LOXL2: variants seen among roughly 807,000 people sequenced by gnomAD.
LOXL2 encodes the protein lysyl oxidase like 2.
Under a neutral mutation model 93.0 loss-of-function variants are expected in LOXL2, and 70 were observed. The ratio of observed to expected loss-of-function variants is 0.75; its 90% CI spans 0.62 to 0.92. The LOEUF is 0.92. Among genes scored for constraint, LOXL2 ranks in the 40% least tolerant of loss-of-function variants. The pLI, the probability that LOXL2 is intolerant of heterozygous loss-of-function variation, is 0.00. For missense variants in LOXL2, 973 were observed against 1,054.9 expected, an observed-to-expected ratio of 0.92 and a Z score of 1.08; for synonymous variants, 438 against 413.2, an observed-to-expected ratio of 1.06 and a Z score of -0.73.
intron 2 of LOXL2, chr8:23,365,710 CATT>C (rs1355574759): frequency 6.6e-6 from 1 of 152,290 alleles, no homozygotes; most frequent in African/African-American, 2.4e-5. Flanking sequence ...TCAGGTCTCT[CATT>C]ACCAGAGATT....
At chr8:23,346,003 G>A in intron 3 of LOXL2, among the ~76,000 whole-genome samples, 1 of 151,864 alleles carries the variant, frequency 6.6e-6, no homozygotes, top group African/African-American at 2.4e-5. Flanking sequence ...GGGAGGCGGA[G>A]GTTGCAGTGA....
At chr8:23,375,215 T>C (rs545665306) in intron 1 of LOXL2, among the ~76,000 whole-genome samples, 27 of 152,352 alleles carry the variant, frequency 1.8e-4, no homozygotes, top group African/African-American at 6.3e-4. Context: ...CCTTTCCCCA[T>C]TTCTTGTTTT....
At chr8:23,318,730 T>G (rs1803445421) in intron 8 of LOXL2, among the ~76,000 whole-genome samples, 1 of 152,218 alleles carries the variant, frequency 6.6e-6, no homozygotes, top group Non-Finnish European at 1.5e-5. Context: ...CCTTGGAGAT[T>G]TAGAGAGTGC....
At chr8:23,376,384 A>AT (rs1350772737) in intron 1 of LOXL2, among the ~76,000 whole-genome samples, 12 of 152,244 alleles carry the variant, frequency 7.9e-5, no homozygotes, top group Non-Finnish European at 1.8e-4. Context: ...CATCAGGGAT[A>AT]TTGGTCTAAA....
intron 1 of LOXL2, among the ~76,000 whole-genome samples, chr8:23,393,693 T>C (rs1322259431): frequency 6.6e-6 from 1 of 152,094 alleles, no homozygotes; most frequent in Non-Finnish European, 1.5e-5. Flanking sequence ...ATACGTAAAT[T>C]AAACTTTATC....
chr8:23,389,497 C>A (rs762197466), intron 1 of LOXL2, among the ~76,000 whole-genome samples: 2 of 152,208 alleles, frequency 1.3e-5, no homozygotes, highest in Non-Finnish European at 2.9e-5. Flanking sequence ...GACCTCTGAT[C>A]AATGACACTT....
chr8:23,383,563 C>T (rs1259265316), intron 1 of LOXL2, among the ~76,000 whole-genome samples: 1 of 151,110 alleles, frequency 6.6e-6, no homozygotes, highest in Non-Finnish European at 1.5e-5. Flanking sequence ...TGCAAGCTAA[C>T]AAATTCATTC....
chr8:23,306,503 C>T (rs1039614464), intron 10 of LOXL2, among the ~76,000 whole-genome samples: 3 of 152,232 alleles, frequency 2.0e-5, no homozygotes, highest in Admixed American at 1.3e-4. Flanking sequence ...CCAGGCAGCC[C>T]CTTGGCAGGA....
intron 3 of LOXL2, among the ~76,000 whole-genome samples, chr8:23,359,087 C>T (rs1197624247): frequency 2.0e-5 from 3 of 151,960 alleles, no homozygotes; most frequent in Non-Finnish European, 4.4e-5. Flanking sequence ...CTCCTGACCT[C>T]GTGATCTGCC....
At chr8:23,306,820 C>T (rs1803237232) in intron 10 of LOXL2, among the ~76,000 whole-genome samples, 1 of 152,222 alleles carries the variant, frequency 6.6e-6, no homozygotes, top group South Asian at 2.1e-4. Context: ...CCTGTCAGAG[C>T]GTGGCACATC....
intron 1 of LOXL2, among the ~76,000 whole-genome samples, chr8:23,384,778 G>A (rs1016112643): frequency 4.7e-4 from 72 of 152,278 alleles, no homozygotes; most frequent in African/African-American, 1.7e-3. Flanking sequence ...GCCGGGCATG[G>A]TGGCAGGTGC....
intron 1 of LOXL2, among the ~76,000 whole-genome samples, chr8:23,379,479 TTA>T (rs1373735911): frequency 6.6e-6 from 1 of 152,164 alleles, no homozygotes; most frequent in African/African-American, 2.4e-5. Flanking sequence ...ACAGGGACAT[TTA>T]TGTCTGCTGA....
chr8:23,396,006 T>A (rs1025839548), intron 1 of LOXL2, among the ~76,000 whole-genome samples: 4 of 151,802 alleles, frequency 2.6e-5, no homozygotes, highest in Non-Finnish European at 5.9e-5. Context: ...ACTCTTAGAG[T>A]CACTGATAAA....
At chr8:23,372,590 G>A (rs943602271) in intron 1 of LOXL2, among the ~76,000 whole-genome samples, 3 of 152,054 alleles carry the variant, frequency 2.0e-5, no homozygotes, top group Non-Finnish European at 2.9e-5. Flanking sequence ...TATACCATGC[G>A]TACATTAACC....
At chr8:23,328,241 C>G (rs138150867) in intron 6 of LOXL2, 141 bp downstream of exon 6, 4 of 821,476 alleles carry the variant, frequency 4.9e-6, no homozygotes, top group South Asian at 4.8e-5. Context: ...TAGGGAGAGG[C>G]CTGGGATTCT....
rs753540196 is a variant in LOXL2, at chr8:23,333,644, CAG to C, written c.744-23_744-22del. On this transcript the variant is annotated intron_variant, in intron 4 of 13. Coordinates refer to ENST00000389131, the MANE Select transcript of LOXL2 (RefSeq NM_002318.3). ...ACATTCTGCAGACGATGGGAGGGGACAGGGGACCAGGGCATCATGACGCCTAC... is the reference window on the plus strand; with the variant it reads ...ACATTCTGCAGACGATGGGAGGGGACGGGACCAGGGCATCATGACGCCTAC... 1.6e-4 allele frequency: 251 copies of C among 1,590,736 alleles called. 1 individual carries two copies. Among genetic ancestry groups the C allele is most frequent in the Admixed American group, 2.0e-4 (12 of 59,738 alleles).
rs201185197 is a variant in LOXL2, at chr8:23,302,211, A to G, written c.1997-48T>C. 4.9e-3 allele frequency: 7,890 copies of G among 1,606,514 alleles called. 29 individuals carry two copies. Among genetic ancestry groups the G allele is most frequent in the Non-Finnish European group, 6.3e-3 (7,379 of 1,173,834 alleles). On this transcript the variant is annotated intron_variant, in intron 11 of 13. Transcript: ENST00000389131. Reference sequence around the variant, plus strand: ...CTCATCACCAGGGAACCATGGCCCCACTGCCGCACCCTCTTCCTGCTTCCA... The same window carrying G: ...CTCATCACCAGGGAACCATGGCCCCGCTGCCGCACCCTCTTCCTGCTTCCA...
Position 23,360,099 on chromosome 8 carries a change from G to C in LOXL2, c.522C>G (p.Asn174Lys), listed in dbSNP as rs988785567. 1 of 1,603,312 alleles carries C rather than the reference G, an allele frequency of 6.2e-7. No individual in the cohort carries two copies. Among genetic ancestry groups the C allele is most frequent in the African/African-American group, 1.3e-5 (1 of 74,934 alleles). Residue 174 changes from asparagine (N) to lysine (K), a missense_variant, in exon 3 of 14, where the codon AAC (asparagine) becomes AAG (lysine). Asn to Lys is a moderately conservative substitution (Grantham distance 94). Coordinates refer to ENST00000389131, the MANE Select transcript of LOXL2 (RefSeq NM_002318.3). ...PGFKFDNSLI[N>K]QIENLNIQVE... ...AGAGCACATGACTTGCCTCTATCTG[G>C]TTGATCAACGAATTGTCAAATTTGA...
At chr8:23,346,137 T>TAAGAAAAATAAAA (rs879817966) in intron 3 of LOXL2, among the ~76,000 whole-genome samples, 1 of 75,744 alleles carries the variant, frequency 1.3e-5, no homozygotes, top group East Asian at 2.7e-4. Flanking sequence ...TAAAATAAAA[T>TAAGAAAAATAAAA]AAAATAAATA....
Sources: allele counts gnomAD v4.1 joint callset (sites outside exome capture counted in the v4.1 genomes callset), GRCh38; gene constraint gnomAD v4.1.1; transcripts MANE v1.5; gene names NCBI Gene and HGNC (gene_info 2026-07-23, HGNC 2026-07-21).